Variants in ASH1L observed in about 807,000 individuals in gnomAD.
ASH1L encodes the protein histone-lysine N-methyltransferase ASH1L.
Under a neutral mutation model 269.0 loss-of-function variants are expected in ASH1L, and 23 were observed. That is an observed-to-expected ratio of 0.09 (90% CI 0.06 to 0.12). The LOEUF (loss-of-function observed/expected upper bound fraction) is 0.12. ASH1L is among the 10% of genes least tolerant of loss of function. The probability of loss-of-function intolerance (pLI) is 1.00; values close to 1 mark genes in which losing one functional copy is unlikely to be tolerated. For synonymous variants in ASH1L, 1,187 were observed against 1,253.5 expected, an observed-to-expected ratio of 0.95 and a Z score of 1.12; for missense variants, 2,912 against 3,567.8, an observed-to-expected ratio of 0.82 and a Z score of 4.68.
chr1:155,535,124 G>A (rs1220897634), intron 1 of ASH1L, among the ~76,000 whole-genome samples: 3 of 151,920 alleles, frequency 2.0e-5, no homozygotes, highest in African/African-American at 7.3e-5. Context: ...AGAAGGCAGA[G>A]GTTGTGGTGA....
At chr1:155,491,871 C>T (rs1183185583) in intron 2 of ASH1L, among the ~76,000 whole-genome samples, 1 of 151,748 alleles carries the variant, frequency 6.6e-6, no homozygotes, top group Non-Finnish European at 1.5e-5. Flanking sequence ...TGGAGTCTCA[C>T]CATGTTGGCC....
chr1:155,359,886 T>A (rs1393630010), intron 13 of ASH1L, among the ~76,000 whole-genome samples: 4 of 151,674 alleles, frequency 2.6e-5, no homozygotes, highest in Non-Finnish European at 5.9e-5. Context: ...ACCTCCCATA[T>A]ACTTTTTTTT....
intron 2 of ASH1L, chr1:155,520,082 T>C (rs1305084569): frequency 1.3e-5 from 2 of 152,160 alleles, no homozygotes; most frequent in African/African-American, 2.4e-5. Context: ...CTGGGTACAG[T>C]GGCTCACACC....
chr1:155,351,942 A>G (rs1168852511), intron 17 of ASH1L, among the ~76,000 whole-genome samples: 1 of 152,116 alleles, frequency 6.6e-6, no homozygotes, highest in Admixed American at 6.5e-5. Flanking sequence ...CAGATATTGA[A>G]TAATTTAGTA....
At chr1:155,372,370 T>TA (rs928170824) in intron 10 of ASH1L, among the ~76,000 whole-genome samples, 2 of 151,088 alleles carry the variant, frequency 1.3e-5, no homozygotes, top group African/African-American at 4.9e-5. Context: ...GTGCAGTGGC[T>TA]AAATTTCAGC....
At chr1:155,415,647 T>A in intron 6 of ASH1L, 97 bp downstream of exon 6, 1 of 1,398,530 alleles carries the variant, frequency 7.2e-7, no homozygotes. Context: ...ATCACGCTTA[T>A]GAAACACAAA....
chr1:155,357,858 C>T, intron 13 of ASH1L, 109 bp from the exon 14 acceptor site: 2 of 1,063,288 alleles, frequency 1.9e-6, no homozygotes, highest in Non-Finnish European at 2.6e-6. Flanking sequence ...GCAGTCTCAA[C>T]CTCCTGGGCT....
intron 2 of ASH1L, among the ~76,000 whole-genome samples, chr1:155,516,759 TA>T (rs1207415603): frequency 6.6e-6 from 1 of 150,928 alleles, no homozygotes; most frequent in Non-Finnish European, 1.5e-5. Context: ...ACCCTGTCTC[TA>T]AAAAAAAATT....
At chr1:155,552,087 C>T (rs546706225) in intron 1 of ASH1L, among the ~76,000 whole-genome samples, 1 of 152,304 alleles carries the variant, frequency 6.6e-6, no homozygotes, top group African/African-American at 2.4e-5. Flanking sequence ...ATTATTAAGT[C>T]CTAAGACAGC....
At chr1:155,420,143 C>T (rs1660549099) in intron 5 of ASH1L, among the ~76,000 whole-genome samples, 1 of 151,656 alleles carries the variant, frequency 6.6e-6, no homozygotes, top group Non-Finnish European at 1.5e-5. Flanking sequence ...CATGGTGAAA[C>T]CCCGTCTCTA....
In ASH1L at chr1:155,479,462, C is replaced by A. The variant is rs201358541; in HGVS notation, c.3408G>T (p.Leu1136Phe). 47 of 1,614,154 alleles carry A rather than the reference C, an allele frequency of 2.9e-5. No homozygotes were observed. In the South Asian group the frequency reaches 3.3e-4, roughly 11 times the overall value. ...GFVEPSSVPY[L>F]HLHSRQGSMI... The stretch of plus-strand genomic sequence containing the variant: ...TACTGCCCTGTCTGGAGTGTAAATG[C>A]AAATATGGCACTGAACTGGGTTCAA... The change falls in exon 3 of 28, where the codon TTG (leucine) becomes TTT (phenylalanine). Residue 1136 changes from leucine (L) to phenylalanine (F), a missense_variant. By Grantham distance (22) the Leu-to-Phe change is conservative (BLOSUM62 0). This residue lies in a region of ASH1L where 157 missense variants were observed against 154.6 expected (regional missense o/e 1.02). Coordinates refer to ENST00000392403, the MANE Select transcript of ASH1L (RefSeq NM_018489.3).
intron 2 of ASH1L, among the ~76,000 whole-genome samples, chr1:155,496,087 C>T (rs1667136315): frequency 6.6e-6 from 1 of 152,166 alleles, no homozygotes; most frequent in Admixed American, 6.5e-5. Flanking sequence ...TACTTTCTGA[C>T]TCTTTTGTAG....
At chr1:155,551,925 G>A (rs925181902) in intron 1 of ASH1L, among the ~76,000 whole-genome samples, 11 of 151,910 alleles carry the variant, frequency 7.2e-5, no homozygotes, top group African/African-American at 1.7e-4. Flanking sequence ...GCAGTGAGCC[G>A]AGATCATGCC....
At chr1:155,500,714 A>C (rs1464003019) in intron 2 of ASH1L, among the ~76,000 whole-genome samples, 1 of 152,192 alleles carries the variant, frequency 6.6e-6, no homozygotes, top group Non-Finnish European at 1.5e-5. Context: ...CACACCTGTA[A>C]TCCCAGAATT....
chr1:155,401,521 C>G (rs925319073), intron 6 of ASH1L, among the ~76,000 whole-genome samples: 1 of 151,300 alleles, frequency 6.6e-6, no homozygotes, highest in Non-Finnish European at 1.5e-5. Context: ...GTGGCTCACG[C>G]CTGTAATCCC....
At chr1:155,477,684 T>C (rs937540685) in intron 3 of ASH1L, among the ~76,000 whole-genome samples, 38 of 152,136 alleles carry the variant, frequency 2.5e-4, no homozygotes, top group African/African-American at 9.2e-4. Context: ...TTTTTGACAA[T>C]AGCTCTTCTC....
chr1:155,534,274 T>C (rs1669895888), intron 1 of ASH1L, among the ~76,000 whole-genome samples: 1 of 150,334 alleles, frequency 6.7e-6, no homozygotes, highest in South Asian at 2.1e-4. Flanking sequence ...GAGAAACATC[T>C]GTTTGCTGAG....
intron 21 of ASH1L, 133 bp from the exon 22 acceptor site, chr1:155,344,406 G>T (rs1359373091): frequency 9.2e-6 from 6 of 649,104 alleles, no homozygotes; most frequent in Admixed American, 3.0e-5. Flanking sequence ...CAAAAAAGAT[G>T]AAAGCAACTA....
At chr1:155,410,666 T>C (rs1355686406) in intron 6 of ASH1L, among the ~76,000 whole-genome samples, 1 of 150,222 alleles carries the variant, frequency 6.7e-6, no homozygotes, top group Non-Finnish European at 1.5e-5. Flanking sequence ...TGTATGATAT[T>C]ACAACAGTAG....
Sources: gnomAD v4.1 joint callset for allele counts (sites outside exome capture counted in the v4.1 genomes callset) on GRCh38, gnomAD v4.1.1 for gene constraint, gnomAD v4.1.1 regional missense constraint, MANE v1.5 for transcripts, NCBI Gene and HGNC (gene_info 2026-07-23, HGNC 2026-07-21) for gene names.